The following IMMP2L variants were observed in gnomAD, a reference collection of about 807,000 sequenced individuals.
The protein encoded by IMMP2L is mitochondrial inner membrane protease subunit 2.
Under a neutral mutation model 19.3 loss-of-function variants are expected in IMMP2L, and 18 were observed. The ratio of observed to expected loss-of-function variants is 0.93; its 90% CI spans 0.64 to 1.38. The LOEUF (loss-of-function observed/expected upper bound fraction) is 1.38. Ranked by LOEUF, IMMP2L falls within the 40% of genes most tolerant of loss-of-function variation. The pLI is 0.00. For synonymous variants in IMMP2L, 76 were observed against 73.0 expected, an observed-to-expected ratio of 1.04 and a Z score of -0.21; for missense variants, 233 against 218.2, an observed-to-expected ratio of 1.07 and a Z score of -0.43.
intron 5 of IMMP2L, among the ~76,000 whole-genome samples, chr7:110,739,386 T>A (rs1472805797): frequency 6.6e-6 from 1 of 152,072 alleles, no homozygotes; most frequent in Non-Finnish European, 1.5e-5. Flanking sequence ...TCCATGCAAA[T>A]GGACACCCAA....
At chr7:110,812,528 T>G (rs1802118258) in intron 5 of IMMP2L, among the ~76,000 whole-genome samples, 1 of 152,040 alleles carries the variant, frequency 6.6e-6, no homozygotes, top group African/African-American at 2.4e-5. Flanking sequence ...TTCTAGGAGC[T>G]GGCATCAGAA....
At chr7:110,948,007 A>G (rs1817426135) in intron 4 of IMMP2L, among the ~76,000 whole-genome samples, 1 of 143,452 alleles carries the variant, frequency 7.0e-6, no homozygotes, top group African/African-American at 2.7e-5. Flanking sequence ...GAAAGAAAAT[A>G]TCAACAACTG....
chr7:111,539,220 A>G (rs1291096101), intron 1 of IMMP2L, among the ~76,000 whole-genome samples: 5 of 116,216 alleles, frequency 4.3e-5, no homozygotes, highest in African/African-American at 1.4e-4. Flanking sequence ...GAAAGAAAGA[A>G]AGAAAGAAAG....
At chr7:111,045,593 A>G (rs980181586) in intron 3 of IMMP2L, among the ~76,000 whole-genome samples, 3 of 152,216 alleles carry the variant, frequency 2.0e-5, no homozygotes, top group African/African-American at 7.2e-5. Context: ...CCTTAAAAGT[A>G]AAAACAGGAG....
chr7:111,328,463 A>G (rs1825549784), intron 3 of IMMP2L, among the ~76,000 whole-genome samples: 1 of 151,778 alleles, frequency 6.6e-6, no homozygotes. Flanking sequence ...TGGTACAAAA[A>G]TTATTTCAGG....
chr7:111,165,547 AC>A (rs1805725383), intron 3 of IMMP2L, among the ~76,000 whole-genome samples: 1 of 151,964 alleles, frequency 6.6e-6, no homozygotes, highest in Non-Finnish European at 1.5e-5. Flanking sequence ...AAGCTATTTT[AC>A]TATTTTAACT....
intron 3 of IMMP2L, among the ~76,000 whole-genome samples, chr7:110,985,887 A>G (rs999514190): frequency 5.9e-5 from 9 of 152,210 alleles, no homozygotes; most frequent in African/African-American, 2.2e-4. Flanking sequence ...AGTGAAAACA[A>G]AAAGCAACTA....
At chr7:111,193,231 A>G (rs369659459) in intron 3 of IMMP2L, among the ~76,000 whole-genome samples, 2 of 152,132 alleles carry the variant, frequency 1.3e-5, no homozygotes, top group African/African-American at 2.4e-5. Flanking sequence ...TACAAAAGAA[A>G]GTCGATGGGT....
chr7:110,905,246 T>C (rs1019579158), intron 4 of IMMP2L, among the ~76,000 whole-genome samples: 2 of 152,174 alleles, frequency 1.3e-5, no homozygotes, highest in Non-Finnish European at 2.9e-5. Context: ...ACTTCCATCC[T>C]CAGCACTACA....
At chr7:111,112,385 T>G (rs1199589239) in intron 3 of IMMP2L, among the ~76,000 whole-genome samples, 1 of 152,188 alleles carries the variant, frequency 6.6e-6, no homozygotes, top group African/African-American at 2.4e-5. Context: ...ACTTCGTACT[T>G]CAGAGTGCCA....
intron 5 of IMMP2L, among the ~76,000 whole-genome samples, chr7:110,770,079 T>G (rs1469193461): frequency 2.6e-5 from 4 of 152,218 alleles, no homozygotes; most frequent in African/African-American, 4.8e-5. Flanking sequence ...ATTATGTTAC[T>G]GATTACAATG....
Position 111,064,011 on chromosome 7 carries a change from C to G in IMMP2L, c.240-100446G>C, listed in dbSNP as rs185659717. Reference sequence around the variant, plus strand: ...TTTTCTAGTATCTTTTCAGCAGCACCCCACTCTACTGGTACCAATTTACTG... The same window carrying G: ...TTTTCTAGTATCTTTTCAGCAGCACGCCACTCTACTGGTACCAATTTACTG... On this transcript the variant is annotated intron_variant, in intron 3 of 5. Transcript: ENST00000405709. Among the ~76,000 whole-genome samples the G allele has an allele frequency of 2.0e-5, 3 of 152,224 alleles. No homozygotes were observed. In the East Asian group the frequency reaches 5.8e-4, roughly 29 times the overall value.
intron 3 of IMMP2L, among the ~76,000 whole-genome samples, chr7:111,482,255 A>C (rs747045898): frequency 4.3e-4 from 65 of 152,184 alleles, no homozygotes; most frequent in Admixed American, 3.3e-4. Context: ...CACTTGCTGT[A>C]AATCTGTTTC....
chr7:110,826,297 G>C (rs1038588184), intron 5 of IMMP2L, among the ~76,000 whole-genome samples: 1 of 152,130 alleles, frequency 6.6e-6, no homozygotes, highest in African/African-American at 2.4e-5. Context: ...CGGGGATCTA[G>C]AACTAGAAAT....
intron 3 of IMMP2L, among the ~76,000 whole-genome samples, chr7:111,257,203 T>A (rs1816804614): frequency 6.6e-6 from 1 of 152,108 alleles, no homozygotes; most frequent in African/African-American, 2.4e-5. Context: ...CTGACAGCTG[T>A]CATACTAAAA....
intron 3 of IMMP2L, among the ~76,000 whole-genome samples, chr7:111,384,209 A>AGAGAGAGGAGAGAG (rs747953044): frequency 2.3e-4 from 34 of 146,438 alleles, no homozygotes; most frequent in Non-Finnish European, 4.5e-4. Flanking sequence ...AAAGGAGAGA[A>AGAGAGAGGAGAGAG]GAGAGAGGAG....
chr7:111,195,561 ATTTT>A (rs1203479806), intron 3 of IMMP2L, among the ~76,000 whole-genome samples: 2 of 152,056 alleles, frequency 1.3e-5, no homozygotes, highest in African/African-American at 2.4e-5. Flanking sequence ...ATTATAAAGG[ATTTT>A]TTATTTTTAA....
At chr7:111,430,215 A>G (rs982813872) in intron 3 of IMMP2L, among the ~76,000 whole-genome samples, 4 of 151,862 alleles carry the variant, frequency 2.6e-5, no homozygotes, top group African/African-American at 9.7e-5. Flanking sequence ...GGAATATTGA[A>G]AATTAATAAC....
intron 3 of IMMP2L, among the ~76,000 whole-genome samples, chr7:111,215,905 C>G (rs1160462926): frequency 6.6e-6 from 1 of 152,130 alleles, no homozygotes; most frequent in Non-Finnish European, 1.5e-5. Context: ...CACATTCCCT[C>G]TCAGCTAAAA....
Sources: allele counts gnomAD v4.1 joint callset (sites outside exome capture counted in the v4.1 genomes callset), GRCh38; gene constraint gnomAD v4.1.1; transcripts MANE v1.5; gene names NCBI Gene and HGNC (gene_info 2026-07-23, HGNC 2026-07-21).